Variants in SIRPA observed in about 807,000 individuals in gnomAD.
SIRPA encodes tyrosine-protein phosphatase non-receptor type substrate 1.
SIRPA carries 9 observed loss-of-function variants against 50.3 expected under a neutral mutation model. That is an observed-to-expected ratio of 0.18 (90% CI 0.11 to 0.31). The LOEUF (loss-of-function observed/expected upper bound fraction) is 0.31. Among genes scored for constraint, SIRPA ranks in the 10% least tolerant of loss-of-function variants. The pLI is 1.00. For synonymous variants in SIRPA, 265 were observed against 284.1 expected (o/e 0.93, Z 0.68); for missense variants, 474 against 661.6 (o/e 0.72, Z 3.11).
At chr20:1,915,763 G>A (rs1298458066) in intron 2 of SIRPA, among the ~76,000 whole-genome samples, 1 of 152,176 alleles carries the variant, frequency 6.6e-6, no homozygotes, top group Non-Finnish European at 1.5e-5. Flanking sequence ...AGTGTGACTT[G>A]CCCAGGCACA....
At chr20:1,921,128 T>C (rs1281704508) in intron 2 of SIRPA, among the ~76,000 whole-genome samples, 1 of 152,214 alleles carries the variant, frequency 6.6e-6, no homozygotes, top group Non-Finnish European at 1.5e-5. Flanking sequence ...GAAGTCACCC[T>C]GTGTGGAGTG....
upstream of SIRPA, chr20:1,895,348 G>A (rs1983722736): frequency 7.1e-6 from 5 of 699,716 alleles, no homozygotes; most frequent in Admixed American, 4.4e-5. Flanking sequence ...AGCCGGGAGG[G>A]GGGAAGGGGG....
At chr20:1,930,640 G>A (rs1236500415) in intron 6 of SIRPA, among the ~76,000 whole-genome samples, 1 of 152,006 alleles carries the variant, frequency 6.6e-6, no homozygotes, top group Non-Finnish European at 1.5e-5. Flanking sequence ...GCCCATGCTG[G>A]AGTGCAGTGG....
rs1224090433 is a variant in SIRPA at position 1,936,957 on chromosome 20, C to A, written c.1267-363C>A. ...TTACATGGTGGATTGGGATTTGTTA[C>A]AAGGAGAAGCAGGACAGACACCCTC... On this transcript the variant is annotated intron_variant, in intron 7 of 7. Coordinates refer to ENST00000358771, the MANE Select transcript of SIRPA (RefSeq NM_001040023.2). The surrounding 1 kb of genome is among the most constrained non-coding windows in gnomAD (Gnocchi z 4.2). Among the ~76,000 whole-genome samples, 2 of 152,016 alleles carry A rather than the reference C, an allele frequency of 1.3e-5. No homozygotes were observed. Among genetic ancestry groups the A allele is most frequent in the African/African-American group, 2.4e-5 (1 of 41,386 alleles).
In SIRPA at chr20:1,933,110, G is replaced by A. The variant is rs1050336170; in HGVS notation, c.1227-1605G>A. 6.6e-6 allele frequency among the ~76,000 whole-genome samples: 1 copy of A among 152,186 alleles called. No individual in the cohort carries two copies. The highest frequency in any genetic ancestry group is 2.4e-5 in the African/African-American group (1 of 41,440). ...CAGCATGGAGCATGCAAAGGCCCTG[G>A]GGCAGCCTGACTGGCATTCATTCCA... On this transcript the variant is annotated intron_variant, in intron 6 of 7. Transcript: ENST00000358771. The surrounding 1 kb of genome is among the most constrained non-coding windows in gnomAD (Gnocchi z 4.4).
intron 1 of SIRPA, among the ~76,000 whole-genome samples, chr20:1,909,879 T>G (rs1984785980): frequency 6.6e-6 from 1 of 152,260 alleles, no homozygotes; most frequent in South Asian, 2.1e-4. Flanking sequence ...CATTGTTTTT[T>G]AAGAAATCAA....
chr20:1,909,640 G>A (rs1272962404), intron 1 of SIRPA, among the ~76,000 whole-genome samples: 2 of 152,144 alleles, frequency 1.3e-5, no homozygotes, highest in African/African-American at 4.8e-5. Flanking sequence ...AAATTAGCCA[G>A]GTGTGGTGGC....
intron 1 of SIRPA, among the ~76,000 whole-genome samples, chr20:1,897,377 C>T (rs4814711): frequency 0.16 from 24,202 of 152,148 alleles, 2,202 homozygotes; most frequent in Admixed American, 0.27. Flanking sequence ...GGATGAGGTG[C>T]GACCATCATA....
Position 1,924,699 on chromosome 20 carries a change from G to A in SIRPA, c.1088-65G>A. 3 of 1,325,078 alleles carry A rather than the reference G, an allele frequency of 2.3e-6. No homozygotes were observed. The highest frequency in any genetic ancestry group is 2.2e-6 in the Non-Finnish European group (2 of 920,432). The allele number at this position is 1,325,078 out of a possible 1,614,324, so 82.1% of individuals were successfully genotyped here. On this transcript the variant is annotated intron_variant, in intron 4 of 7. Coordinates refer to ENST00000358771, the MANE Select transcript of SIRPA (RefSeq NM_001040023.2). The surrounding 1 kb of genome is among the most constrained non-coding windows in gnomAD (Gnocchi z 4.5). ...GATGCCTGCTTAGTGGTGAAAAGCA[G>A]TGGTGGGTTTGGTTTTCTGTTTTTA... is the stretch of plus-strand genomic sequence containing the variant.
At chr20:1,926,440 C>T (rs1368298042) in intron 5 of SIRPA, among the ~76,000 whole-genome samples, 1 of 152,244 alleles carries the variant, frequency 6.6e-6, no homozygotes, top group Non-Finnish European at 1.5e-5. Context: ...CACACGTGAG[C>T]TCATTACTGT....
At chr20:1,906,161 C>T (rs1984533022) in intron 1 of SIRPA, among the ~76,000 whole-genome samples, 1 of 152,154 alleles carries the variant, frequency 6.6e-6, no homozygotes. Flanking sequence ...TCATCAGACC[C>T]ATTCTACAGA....
intron 1 of SIRPA, among the ~76,000 whole-genome samples, chr20:1,900,011 C>T (rs1010919414): frequency 2.0e-5 from 3 of 151,794 alleles, no homozygotes; most frequent in African/African-American, 7.3e-5. Context: ...AACACAGTTG[C>T]TTACACATAG....
rs907535502 is a variant in SIRPA at position 1,909,558 on chromosome 20, G to C, written c.80-5541G>C. ...GCACTTTGGGAGGCTGAGGCGGGCA[G>C]ATCGCCTGAGGTCAGGAGTTTGAGA... On this transcript the variant is annotated intron_variant, in intron 1 of 7. Coordinates refer to ENST00000358771, the MANE Select transcript of SIRPA (RefSeq NM_001040023.2). Among the ~76,000 whole-genome samples, 10 of 152,320 alleles carry C rather than the reference G, an allele frequency of 6.6e-5. No homozygotes were observed. In the East Asian group the frequency reaches 1.9e-3, roughly 29 times the overall value.
At chr20:1,919,730 C>T (rs542299612) in intron 2 of SIRPA, among the ~76,000 whole-genome samples, 1 of 152,122 alleles carries the variant, frequency 6.6e-6, no homozygotes, top group African/African-American at 2.4e-5. Flanking sequence ...GTAAATGGCT[C>T]TTCTGGAGGG....
At chr20:1,920,997 G>C (rs1342657969) in intron 2 of SIRPA, among the ~76,000 whole-genome samples, 1 of 152,246 alleles carries the variant, frequency 6.6e-6, no homozygotes, top group African/African-American at 2.4e-5. Context: ...CTTACTCCCT[G>C]CACTGACCTC....
At chr20:1,901,193 C>T (rs1458421829) in intron 1 of SIRPA, among the ~76,000 whole-genome samples, 39 of 98,664 alleles carry the variant, frequency 4.0e-4, no homozygotes, top group Middle Eastern at 0.022. Context: ...TTTTTTGAGA[C>T]GGAGTCTTGC....
At chr20:1,909,261 G>T (rs1188034630) in intron 1 of SIRPA, among the ~76,000 whole-genome samples, 2 of 152,208 alleles carry the variant, frequency 1.3e-5, no homozygotes, top group African/African-American at 4.8e-5. Flanking sequence ...TGTCCCTGTG[G>T]CTTGTGCTGT....
chr20:1,903,662 C>G (rs2123005319), intron 1 of SIRPA, among the ~76,000 whole-genome samples: 1 of 152,304 alleles, frequency 6.6e-6, no homozygotes, highest in South Asian at 2.1e-4. Context: ...TGGCCCTTCA[C>G]CAGCTTCTTT....
Position 1,898,115 on chromosome 20 carries a change from G to T in SIRPA, c.79+2589G>T, listed in dbSNP as rs934687710. 6.6e-6 allele frequency among the ~76,000 whole-genome samples: 1 copy of T among 152,204 alleles called. No homozygotes were observed. The highest frequency in any genetic ancestry group is 2.4e-5 in the African/African-American group (1 of 41,450). On this transcript the variant is annotated intron_variant, in intron 1 of 7. Coordinates refer to ENST00000358771, the MANE Select transcript of SIRPA (RefSeq NM_001040023.2). The surrounding 1 kb of genome is among the most constrained non-coding windows in gnomAD (Gnocchi z 4.3). Reference sequence around the variant, plus strand: ...ATTTCTTCTCTCTGGCCTGGAGGAGGCCAAGCCAAGTTGCAGTTCAGGCTC... The same window carrying T: ...ATTTCTTCTCTCTGGCCTGGAGGAGTCCAAGCCAAGTTGCAGTTCAGGCTC...
Sources: allele counts gnomAD v4.1 joint callset (sites outside exome capture counted in the v4.1 genomes callset), GRCh38; gene constraint gnomAD v4.1.1; non-coding constraint Gnocchi (gnomAD v3.1); transcripts MANE v1.5; gene names NCBI Gene and HGNC (gene_info 2026-07-23, HGNC 2026-07-21).